Variants in ATP5F1A observed in about 807,000 individuals in gnomAD.
The protein encoded by ATP5F1A is ATP synthase F1 subunit alpha.
ATP5F1A carries 24 observed loss-of-function variants against 57.4 expected under a neutral mutation model. That is an observed-to-expected ratio of 0.42 (90% CI 0.30 to 0.59). The LOEUF is 0.59. Among genes scored for constraint, ATP5F1A ranks in the 20% least tolerant of loss-of-function variants. ATP5F1A has a pLI of 0.19. For synonymous variants in ATP5F1A, 251 were observed against 255.5 expected (o/e 0.98, Z 0.17); for missense variants, 494 against 707.9 (o/e 0.70, Z 3.43).
At position 46,098,223 on chromosome 18, in the gene ATP5F1A, G is replaced by C. The variant is rs749222521; in HGVS notation, c.9C>G (p.Ser3=). ...GGACCACGGCCGCAGCAACGCGCACGGACAGCATCTTTGCAGTTACTCCGC... is the reference window on the plus strand; with the variant it reads ...GGACCACGGCCGCAGCAACGCGCACCGACAGCATCTTTGCAGTTACTCCGC... ML[S]VRVAAAVVRA... The change falls in exon 1 of 12, where the codon TCC becomes TCG. Residue 3 remains serine (S), a synonymous_variant. Transcript: ENST00000398752. 2.1e-5 allele frequency: 33 copies of C among 1,606,610 alleles called. No individual in the cohort carries two copies. The highest frequency in any genetic ancestry group is 2.8e-5 in the Non-Finnish European group (33 of 1,179,102).
At position 46,089,949 on chromosome 18, in the gene ATP5F1A, A is replaced by G; in HGVS notation, c.357T>C (p.Phe119=). 6.2e-7 allele frequency: 1 copy of G among 1,612,282 alleles called. No homozygotes were observed. Among genetic ancestry groups the G allele is most frequent in the East Asian group, 2.2e-5 (1 of 44,882 alleles). ...LEPDNVGVVV[F]GNDKLIKEGD... ...CTTCCTTAATTAGTTTATCATTTCC[A>G]AACACGACAACACCAACATTGTCAG... Residue 119 remains phenylalanine (F), a synonymous_variant, in exon 4 of 12, where the codon TTT becomes TTC. Coordinates refer to ENST00000398752, the MANE Select transcript of ATP5F1A (RefSeq NM_004046.6).
At chr18:46,101,715 C>T (rs149547173), upstream of ATP5F1A, among the ~76,000 whole-genome samples, 63 of 151,238 alleles carry the variant, frequency 4.2e-4, no homozygotes, top group African/African-American at 1.4e-3. Flanking sequence ...GCCAACATAT[C>T]GAGATCCCTG....
intron 6 of ATP5F1A, chr18:46,087,779 CT>C (rs1910235338): frequency 2.3e-6 from 1 of 438,146 alleles, no homozygotes; most frequent in Non-Finnish European, 4.1e-6. Flanking sequence ...ACTCGGGAGG[CT>C]GAGACAGGAG....
intron 5 of ATP5F1A, 120 bp downstream of exon 5, chr18:46,089,446 T>C: frequency 8.1e-7 from 1 of 1,228,630 alleles, no homozygotes. Context: ...GAAATTTTAC[T>C]ATTAATCCTC....
chr18:46,092,208 AATAATAATAATAATAATAAT>A (rs374649504), intron 2 of ATP5F1A: 46,423 of 148,288 alleles, frequency 0.31, 8,681 homozygotes, highest in Middle Eastern at 0.49. Context: ...TAATAATAAT[AATAATAATAATAATAATAAT>A]AAAAATCTGG....
chr18:46,096,015 A>T (rs1461495177), intron 1 of ATP5F1A, among the ~76,000 whole-genome samples: 1 of 151,820 alleles, frequency 6.6e-6, no homozygotes, highest in Non-Finnish European at 1.5e-5. Flanking sequence ...CGGCCTCCTG[A>T]GTAGCTGGGA....
At chr18:46,094,991 G>A (rs779051427) in intron 2 of ATP5F1A, 62 bp downstream of exon 2, 10 of 1,523,738 alleles carry the variant, frequency 6.6e-6, no homozygotes, top group South Asian at 1.3e-5. Context: ...ACAGTTATAC[G>A]ATGTATGTAA....
At chr18:46,091,573 G>T in intron 3 of ATP5F1A, 109 bp downstream of exon 3, 1 of 1,214,286 alleles carries the variant, frequency 8.2e-7, no homozygotes, top group Non-Finnish European at 1.1e-6. Flanking sequence ...AAAATCTGAG[G>T]CAAATTAAGA....
intron 1 of ATP5F1A, among the ~76,000 whole-genome samples, chr18:46,103,690 C>T (rs1911359943): frequency 6.9e-6 from 1 of 145,920 alleles, no homozygotes; most frequent in Non-Finnish European, 1.5e-5. Context: ...CCGAGGTGGG[C>T]GGATCATGAG....
upstream of ATP5F1A, among the ~76,000 whole-genome samples, chr18:46,102,190 T>G (rs1911295801): frequency 6.7e-6 from 1 of 150,260 alleles, no homozygotes; most frequent in Non-Finnish European, 1.5e-5. Context: ...AAAAAAAAAT[T>G]GCAGGGATAT....
At chr18:46,088,838 G>A (rs1599774950) in intron 5 of ATP5F1A, 3 of 152,180 alleles carry the variant, frequency 2.0e-5, no homozygotes, top group Middle Eastern at 6.8e-3. Flanking sequence ...GAATGTCTTG[G>A]TGTAAAACCC....
intron 2 of ATP5F1A, among the ~76,000 whole-genome samples, chr18:46,094,535 T>A (rs1025865403): frequency 2.0e-5 from 3 of 152,010 alleles, no homozygotes; most frequent in African/African-American, 7.2e-5. Flanking sequence ...GGCATGGTGG[T>A]GCATGCCTGT....
chr18:46,085,994 T>A, intron 10 of ATP5F1A, 119 bp downstream of exon 10: 1 of 1,138,258 alleles, frequency 8.8e-7, no homozygotes, highest in South Asian at 2.0e-5. Flanking sequence ...GTGCCTTTGA[T>A]GAAAGATAAC....
chr18:46,088,060 A>G (rs1307357536), intron 6 of ATP5F1A, 49 bp downstream of exon 6: 1 of 1,568,530 alleles, frequency 6.4e-7, no homozygotes, highest in Admixed American at 2.2e-5. Flanking sequence ...TACAATCAGC[A>G]GCAATGGGAC....
At chr18:46,101,473 GA>G (rs1290793123), upstream of ATP5F1A, among the ~76,000 whole-genome samples, 3 of 152,182 alleles carry the variant, frequency 2.0e-5, no homozygotes, top group Non-Finnish European at 4.4e-5. Context: ...GCTGAGGAAG[GA>G]GAATCGCTTG....
chr18:46,097,919 A>G, intron 1 of ATP5F1A: 1 of 1,246,894 alleles, frequency 8.0e-7, no homozygotes, highest in Non-Finnish European at 1.0e-6. Flanking sequence ...TGTCAGCCGA[A>G]GACAGGAATC....
chr18:46,092,437 C>A (rs975858118), intron 2 of ATP5F1A, among the ~76,000 whole-genome samples: 42 of 150,024 alleles, frequency 2.8e-4, no homozygotes, highest in Non-Finnish European at 5.5e-4. Context: ...TGTGAAACCC[C>A]GTCTCCACTA....
At chr18:46,092,797 T>A (rs918818356) in intron 2 of ATP5F1A, among the ~76,000 whole-genome samples, 4 of 151,740 alleles carry the variant, frequency 2.6e-5, no homozygotes, top group Non-Finnish European at 4.4e-5. Flanking sequence ...TTCTAAGAAA[T>A]CTGTAACTAT....
In ATP5F1A at chr18:46,089,711, G is replaced by A. The variant is rs200905182; in HGVS notation, c.505C>T (p.Arg169Cys). Residue 169 changes from arginine to cysteine, a missense_variant, in exon 5 of 12, where the codon CGT becomes TGT. Coordinates refer to ENST00000398752, the MANE Select transcript of ATP5F1A (RefSeq NM_004046.6). Reference sequence around the variant, plus strand: ...GGGGCTTTCAGACCAACTCGCCTACGCGTCTTGGAACCAATTGGACCCTGT... The same window carrying A: ...GGGGCTTTCAGACCAACTCGCCTACACGTCTTGGAACCAATTGGACCCTGT... ...DGKGPIGSKT[R>C]RRVGLKAPGI... The A allele has an allele frequency of 2.4e-5, 39 of 1,613,980 alleles. No individual in the cohort carries two copies. The highest frequency in any genetic ancestry group is 1.5e-4 in the Admixed American group (9 of 60,002).
Sources: allele counts gnomAD v4.1 joint callset (sites outside exome capture counted in the v4.1 genomes callset), GRCh38; gene constraint gnomAD v4.1.1; transcripts MANE v1.5; gene names NCBI Gene and HGNC (gene_info 2026-07-23, HGNC 2026-07-21).